Variants in UNC5C observed in about 807,000 individuals in gnomAD.
The protein encoded by UNC5C is unc-5 netrin receptor C.
UNC5C carries 47 observed loss-of-function variants against 99.8 expected under a neutral mutation model. The observed-to-expected ratio is 0.47, with a 90% CI of 0.37 to 0.60. The LOEUF is 0.60. Among genes scored for constraint, UNC5C ranks in the 20% least tolerant of loss-of-function variants. UNC5C has a pLI of 0.00. For missense variants in UNC5C, 1,062 were observed against 1,165.9 expected, an observed-to-expected ratio of 0.91 and a Z score of 1.30; for synonymous variants, 487 against 452.2, an observed-to-expected ratio of 1.08 and a Z score of -0.98.
At chr4:95,404,615 A>G (rs1295773042) in intron 1 of UNC5C, among the ~76,000 whole-genome samples, 1 of 152,262 alleles carries the variant, frequency 6.6e-6, no homozygotes, top group South Asian at 2.1e-4. Context: ...GATCTCTAAG[A>G]GTGCTACTGA....
intron 1 of UNC5C, among the ~76,000 whole-genome samples, chr4:95,525,559 T>C (rs527322351): frequency 7.6e-5 from 10 of 131,996 alleles, no homozygotes; most frequent in South Asian, 4.8e-4. Context: ...AAAAAACCCA[T>C]ATTCAATTTT....
chr4:95,239,738 T>G (rs1739263473), intron 7 of UNC5C, among the ~76,000 whole-genome samples: 2 of 152,208 alleles, frequency 1.3e-5, no homozygotes, highest in Admixed American at 6.5e-5. Context: ...TTAATATATT[T>G]TCAGTCAAAG....
At chr4:95,403,307 T>G (rs1025767982) in intron 1 of UNC5C, among the ~76,000 whole-genome samples, 4 of 152,174 alleles carry the variant, frequency 2.6e-5, no homozygotes, top group Non-Finnish European at 5.9e-5. Flanking sequence ...AAACTCATGT[T>G]GGTAGAGCAA....
intron 1 of UNC5C, among the ~76,000 whole-genome samples, chr4:95,494,777 C>A (rs924656948): frequency 6.6e-6 from 1 of 151,328 alleles, no homozygotes; most frequent in African/African-American, 2.4e-5. Context: ...CTTTAAAGAG[C>A]AGAACTGATA....
intron 1 of UNC5C, among the ~76,000 whole-genome samples, chr4:95,535,956 G>A (rs7686970): frequency 0.7 from 105,360 of 151,566 alleles, 37,021 homozygotes; most frequent in Middle Eastern, 0.81. Flanking sequence ...AAAAATGAAA[G>A]TTATTAAAGA....
chr4:95,364,649 G>A (rs1006093910), intron 1 of UNC5C, among the ~76,000 whole-genome samples: 2 of 152,092 alleles, frequency 1.3e-5, no homozygotes, highest in African/African-American at 4.8e-5. Flanking sequence ...TCAAATGAGT[G>A]CCTTTTTAAC....
chr4:95,499,261 G>T (rs572410470), intron 1 of UNC5C, among the ~76,000 whole-genome samples: 2 of 152,210 alleles, frequency 1.3e-5, no homozygotes, highest in East Asian at 3.9e-4. Flanking sequence ...TTAGGCAACT[G>T]CAGACCTGGT....
chr4:95,380,850 T>C (rs1247444907), intron 1 of UNC5C, among the ~76,000 whole-genome samples: 1 of 152,164 alleles, frequency 6.6e-6, no homozygotes, highest in African/African-American at 2.4e-5. Flanking sequence ...CCCACTTTAA[T>C]TAACTTAACC....
chr4:95,507,221 G>A, intron 1 of UNC5C, among the ~76,000 whole-genome samples: 1 of 151,782 alleles, frequency 6.6e-6, no homozygotes, highest in Admixed American at 6.6e-5. Flanking sequence ...ATCATACCAA[G>A]TAAATTAATC....
chr4:95,392,475 G>C (rs1745391677), intron 1 of UNC5C, among the ~76,000 whole-genome samples: 1 of 150,708 alleles, frequency 6.6e-6, no homozygotes, highest in Non-Finnish European at 1.5e-5. Context: ...TCTGTCACCT[G>C]GGCCAGAGTG....
intron 1 of UNC5C, among the ~76,000 whole-genome samples, chr4:95,529,268 A>C (rs1722576432): frequency 6.7e-6 from 1 of 148,906 alleles, no homozygotes; most frequent in Admixed American, 6.7e-5. Context: ...AGAATACATT[A>C]CATGTATGTA....
intron 1 of UNC5C, among the ~76,000 whole-genome samples, chr4:95,434,435 G>C (rs1319678659): frequency 6.6e-6 from 1 of 152,040 alleles, no homozygotes; most frequent in Non-Finnish European, 1.5e-5. Flanking sequence ...TTCTGGAAAC[G>C]CAAGAAGGGG....
intron 1 of UNC5C, among the ~76,000 whole-genome samples, chr4:95,419,979 A>G (rs1306723780): frequency 6.6e-6 from 1 of 152,174 alleles, no homozygotes. Flanking sequence ...TTATAACACA[A>G]TACTTCCACA....
At chr4:95,346,359 A>C (rs1342625560) in intron 1 of UNC5C, among the ~76,000 whole-genome samples, 2 of 152,042 alleles carry the variant, frequency 1.3e-5, no homozygotes, top group Non-Finnish European at 2.9e-5. Flanking sequence ...CATTTAAAGA[A>C]GAACTAATAC....
At chr4:95,268,104 C>G (rs1406676252) in intron 4 of UNC5C, among the ~76,000 whole-genome samples, 1 of 152,044 alleles carries the variant, frequency 6.6e-6, no homozygotes, top group Admixed American at 6.5e-5. Context: ...CGCCCGCCAC[C>G]GCGCCCGGTT....
chr4:95,434,926 A>G (rs1364320754), intron 1 of UNC5C, among the ~76,000 whole-genome samples: 1 of 152,058 alleles, frequency 6.6e-6, no homozygotes, highest in Non-Finnish European at 1.5e-5. Flanking sequence ...CTTCTCTCAG[A>G]GTACAGCAAC....
At chr4:95,311,763 C>T (rs1742285317) in intron 2 of UNC5C, among the ~76,000 whole-genome samples, 1 of 152,136 alleles carries the variant, frequency 6.6e-6, no homozygotes, top group Non-Finnish European at 1.5e-5. Flanking sequence ...GAAGATATCA[C>T]CTTGGCACAC....
At chr4:95,251,536 C>G (rs757968206) in intron 4 of UNC5C, among the ~76,000 whole-genome samples, 4 of 152,166 alleles carry the variant, frequency 2.6e-5, no homozygotes, top group Non-Finnish European at 5.9e-5. Context: ...ATAAGCTGTT[C>G]TTCTGGAGGT....
intron 13 of UNC5C, among the ~76,000 whole-genome samples, 198 bp from the exon 14 acceptor site, chr4:95,183,259 A>T (rs967353492): frequency 1.3e-5 from 2 of 152,196 alleles, no homozygotes; most frequent in African/African-American, 4.8e-5. Flanking sequence ...CTTACCCCAA[A>T]TCACACAGCA....
Sources: gnomAD v4.1 joint callset for allele counts (sites outside exome capture counted in the v4.1 genomes callset) on GRCh38, gnomAD v4.1.1 for gene constraint, MANE v1.5 for transcripts, NCBI Gene and HGNC (gene_info 2026-07-23, HGNC 2026-07-21) for gene names.